RNF213: variants seen among roughly 807,000 people sequenced by gnomAD.
RNF213 encodes the protein E3 ubiquitin-protein ligase RNF213.
Under a neutral mutation model 514.4 loss-of-function variants are expected in RNF213, and 341 were observed. The observed-to-expected ratio is 0.66, with a 90% CI of 0.61 to 0.73. The LOEUF (loss-of-function observed/expected upper bound fraction) is 0.73, where lower values mean the gene tolerates loss of function less well. Ranked by LOEUF, RNF213 falls within the 30% of genes least tolerant of loss-of-function variation. RNF213 has a pLI of 0.00. For synonymous variants in RNF213, 2,655 were observed against 2,658.2 expected (o/e 1.00, Z 0.04); for missense variants, 5,767 against 6,615.6 (o/e 0.87, Z 4.45).
intron 44 of RNF213, among the ~76,000 whole-genome samples, chr17:80,369,233 T>C (rs1490364057): frequency 6.6e-6 from 1 of 152,014 alleles, no homozygotes; most frequent in African/African-American, 2.4e-5. Flanking sequence ...ACCCCATCTC[T>C]ACTAAAAATA....
chr17:80,390,614 C>A (rs2080427336), intron 67 of RNF213, among the ~76,000 whole-genome samples: 1 of 150,904 alleles, frequency 6.6e-6, no homozygotes, highest in African/African-American at 2.4e-5. Flanking sequence ...CCAGGCTGGT[C>A]TCGAACTCCT....
chr17:80,280,765 T>A (rs2044229284), intron 3 of RNF213, among the ~76,000 whole-genome samples: 1 of 152,098 alleles, frequency 6.6e-6, no homozygotes, highest in Admixed American at 6.6e-5. Context: ...CGTTTTGTAT[T>A]TTTGGAAGTT....
At chr17:80,278,703 A>G (rs2044155170) in intron 3 of RNF213, 2 of 1,526,240 alleles carry the variant, frequency 1.3e-6, no homozygotes, top group Admixed American at 2.0e-5. Context: ...TTGCGAGTCT[A>G]CTGGAGCTGT....
intron 67 of RNF213, among the ~76,000 whole-genome samples, chr17:80,392,605 GT>G (rs34876847): frequency 0.82 from 122,083 of 149,130 alleles, 50,546 homozygotes; most frequent in African/African-American, 0.89. Context: ...GGATTTCTGG[GT>G]TTTTTTTTTT....
In RNF213 at chr17:80,377,888, G is replaced by C; in HGVS notation, c.13545+92G>C. The C allele has an allele frequency of 7.0e-7, 1 of 1,425,266 alleles. No individual in the cohort carries two copies. The highest frequency in any genetic ancestry group is 9.9e-7 in the Non-Finnish European group (1 of 1,009,074). The allele number at this position is 1,425,266 out of a possible 1,614,324, so 88.3% of individuals were successfully genotyped here. A position where few individuals can be genotyped will look rare whatever the true frequency, so the allele number is the denominator to read the frequency against. ...CGTGGGTCAGGAGAGTGAGGCTCTC[G>C]GCCTTCCAGGAGAGCACAGGCTCAC... On this transcript the variant is annotated intron_variant, in intron 54 of 67. Transcript: ENST00000582970. The surrounding 1 kb of genome is among the most constrained non-coding windows in gnomAD (Gnocchi z 4.1).
At chr17:80,340,609 GTTTTTT>G (rs747785477) in intron 26 of RNF213, 225 of 129,980 alleles carry the variant, frequency 1.7e-3, no homozygotes, top group South Asian at 2.3e-3. Flanking sequence ...GTACTTTGTG[GTTTTTT>G]TTTTTTTTTT....
chr17:80,393,266 C>A, intron 67 of RNF213, 79 bp from the exon 68 acceptor site: 2 of 1,160,030 alleles, frequency 1.7e-6, no homozygotes, highest in South Asian at 2.4e-5. Flanking sequence ...CACACGTGAG[C>A]CACACAGTGC....
At chr17:80,277,957 A>G (rs1023670707) in intron 3 of RNF213, among the ~76,000 whole-genome samples, 1 of 152,192 alleles carries the variant, frequency 6.6e-6, no homozygotes. Context: ...GAAAGGGCGC[A>G]CAGAGAGGGG....
At position 80,327,819 on chromosome 17, in the gene RNF213, C is replaced by G; in HGVS notation, c.3197C>G (p.Thr1066Ser). The G allele has an allele frequency of 6.5e-7, 1 of 1,535,802 alleles. No individual in the cohort carries two copies. The highest frequency in any genetic ancestry group is 8.7e-7 in the Non-Finnish European group (1 of 1,145,740). Reference protein sequence around the residue: ...DVKHVFRLCGTDEKILANVTE... With the variant: ...DVKHVFRLCGSDEKILANVTE... ...ACTGTGTTCTTCATCTATTCAGGAACCGACGAGAAAATACTAGCAAATGTC... is the reference window on the plus strand; with the variant it reads ...ACTGTGTTCTTCATCTATTCAGGAAGCGACGAGAAAATACTAGCAAATGTC... Residue 1066 changes from threonine to serine, a missense_variant, in exon 19 of 68, where the codon ACC becomes AGC. Thr to Ser is a moderately conservative substitution (Grantham distance 58, BLOSUM62 1). This residue lies in a region of RNF213 where 516 missense variants were observed against 566.5 expected (regional missense o/e 0.91). Transcript: ENST00000582970.
rs74560936 is a variant in RNF213 at position 80,395,523 on chromosome 17, A to G, written c.*2025A>G. Reference sequence around the variant, plus strand: ...AATGACAGCATCCTGGCGACTCCACAGTGGAGCTGAGCGCCACTCCCTGTA... The same window carrying G: ...AATGACAGCATCCTGGCGACTCCACGGTGGAGCTGAGCGCCACTCCCTGTA... On this transcript the variant is annotated 3_prime_UTR_variant, in exon 68 of 68. Coordinates refer to ENST00000582970, the MANE Select transcript of RNF213 (RefSeq NM_001256071.3). 6 of 152,242 alleles carry G rather than the reference A, an allele frequency of 3.9e-5. No individual in the cohort carries two copies. The highest frequency in any genetic ancestry group is 7.2e-5 in the African/African-American group (3 of 41,442). 9.4% of individuals were successfully genotyped at this position (152,242 alleles called of 1,614,324 possible). A position where few individuals can be genotyped will look rare whatever the true frequency, so the allele number is the denominator to read the frequency against.
intron 8 of RNF213, among the ~76,000 whole-genome samples, 199 bp from the exon 9 acceptor site, chr17:80,294,494 TGGGACGTCTAGGATGTCTGTTTGCACG>T (rs937302262): frequency 2.0e-5 from 3 of 152,200 alleles, no homozygotes; most frequent in Admixed American, 2.0e-4. Flanking sequence ...CTCATTACTG[TGGGACGTCTAGGATGTCTGTTTGCACG>T]GGGCTGGCCT....
Position 80,298,363 on chromosome 17 carries a change from C to T in RNF213, c.2055C>T (p.Asp685=), listed in dbSNP as rs369732955. The stretch of plus-strand genomic sequence containing the variant: ...TGAACCTGTGCCAAAGATGCATGGA[C>T]ACAAGGACGTACACCTGGCTGGGCG... ...YLVNLCQRCM[D]TRTYTWLGAL... The change falls in exon 11 of 68, where the codon GAC becomes GAT. Residue 685 remains aspartate, a synonymous_variant. Coordinates refer to ENST00000582970, the MANE Select transcript of RNF213 (RefSeq NM_001256071.3). The T allele has an allele frequency of 1.2e-6, 2 of 1,614,176 alleles. No homozygotes were observed. The highest frequency in any genetic ancestry group is 2.2e-5 in the East Asian group (1 of 44,866).
At chr17:80,293,955 G>A (rs1275862431) in intron 8 of RNF213, among the ~76,000 whole-genome samples, 1 of 152,042 alleles carries the variant, frequency 6.6e-6, no homozygotes, top group Non-Finnish European at 1.5e-5. Flanking sequence ...AGCTGGGGTG[G>A]GCGGGCCTGC....
Position 80,354,065 on chromosome 17 carries a change from G to A in RNF213, c.10625G>A (p.Ser3542Asn). The change falls in exon 35 of 68, where the codon AGC (serine) becomes AAC (asparagine). Residue 3542 changes from serine to asparagine, a missense_variant. Physicochemically the swap from Ser to Asn is conservative, Grantham distance 46. Around this residue, in one of 13 missense-constraint regions of RNF213, gnomAD observed 919 missense variants for 1,121.0 expected, o/e 0.82. Transcript: ENST00000582970. ...AGGCTGCTGAGAAGCTGTGTGCAGAGCGCCGTGGGCATGCTCAGAGACCAG... is the reference window on the plus strand; with the variant it reads ...AGGCTGCTGAGAAGCTGTGTGCAGAACGCCGTGGGCATGCTCAGAGACCAG... ...TTRLLRSCVQ[S>N]AVGMLRDQNE... 3 of 1,614,024 alleles carry A rather than the reference G, an allele frequency of 1.9e-6. No homozygotes were observed. Among genetic ancestry groups the A allele is most frequent in the Non-Finnish European group, 1.7e-6 (2 of 1,180,032 alleles).
At chr17:80,295,422 C>G (rs994078042) in intron 9 of RNF213, 135 bp from the exon 10 acceptor site, 3 of 1,131,992 alleles carry the variant, frequency 2.7e-6, no homozygotes, top group Non-Finnish European at 3.9e-6. Flanking sequence ...TGCAGCTCCT[C>G]CTGTGGCTCT....
In RNF213 at chr17:80,346,364, G is replaced by T. The variant is rs767005368; in HGVS notation, c.8029G>T (p.Glu2677Ter). The T allele has an allele frequency of 6.2e-7, 1 of 1,613,424 alleles. No homozygotes were observed. The highest frequency in any genetic ancestry group is 1.1e-5 in the South Asian group (1 of 91,068). The stretch of plus-strand genomic sequence containing the variant: ...GTCCAGCGTCAGCAAAAATCACACC[G>T]AGAGAGATCCCGTCCTCTGGTCGTT... ...SKSSVSKNHTERDPVLWSLML... is the reference protein window; with the variant it reads ...SKSSVSKNHT Residue 2677 changes from glutamate to a stop codon, truncating the protein, a stop_gained, in exon 29 of 68, where the codon GAG becomes TAG. Coordinates refer to ENST00000582970, the MANE Select transcript of RNF213 (RefSeq NM_001256071.3). LOFTEE classifies it high-confidence loss of function. The surrounding 1 kb of genome is among the most constrained non-coding windows in gnomAD (Gnocchi z 8.1).
At chr17:80,298,624 A>G in intron 11 of RNF213, 106 bp downstream of exon 11, 1 of 1,178,660 alleles carries the variant, frequency 8.5e-7, no homozygotes, top group Non-Finnish European at 1.2e-6. Context: ...TCCTGATTCT[A>G]ATGACAGAAC....
chr17:80,398,017 T>G lies in RNF213; in HGVS notation c.*4519T>G, dbSNP rs1271459810. The G allele has an allele frequency of 6.6e-6, 1 of 150,994 alleles. No individual in the cohort carries two copies. 9.4% of individuals were successfully genotyped at this position (150,994 alleles called of 1,614,324 possible). A position where few individuals can be genotyped will look rare whatever the true frequency, so the allele number is the denominator to read the frequency against. ...CAGTGGCTGAACACCGGGAAGGAAC[T>G]GCCACTTGGAGTCCAGACATCTGAA... is the stretch of plus-strand genomic sequence containing the variant. On this transcript the variant is annotated 3_prime_UTR_variant, in exon 68 of 68. Coordinates refer to ENST00000582970, the MANE Select transcript of RNF213 (RefSeq NM_001256071.3).
chr17:80,294,683 G>A (rs1293234576), intron 8 of RNF213, 37 bp from the exon 9 acceptor site: 1 of 1,612,374 alleles, frequency 6.2e-7, no homozygotes, highest in South Asian at 1.1e-5. Context: ...GGTTTTGATG[G>A]TCTTAGGTAG....
Sources: gnomAD v4.1 joint callset for allele counts (sites outside exome capture counted in the v4.1 genomes callset) on GRCh38, gnomAD v4.1.1 for gene constraint, gnomAD v4.1.1 regional missense constraint, Gnocchi (gnomAD v3.1) non-coding constraint, MANE v1.5 for transcripts, NCBI Gene and HGNC (gene_info 2026-07-23, HGNC 2026-07-21) for gene names.